The following PRKG1 variants were observed in gnomAD, a reference collection of about 807,000 sequenced individuals.
PRKG1 encodes cGMP-dependent protein kinase 1.
PRKG1 carries 35 observed loss-of-function variants against 88.1 expected under a neutral mutation model. That is an observed-to-expected ratio of 0.40 (90% CI 0.30 to 0.53). The LOEUF is 0.53. Among genes scored for constraint, PRKG1 ranks in the 20% least tolerant of loss-of-function variants. PRKG1 has a pLI of 0.59. For synonymous variants in PRKG1, 303 were observed against 292.5 expected (o/e 1.04, Z -0.37); for missense variants, 540 against 839.8 (o/e 0.64, Z 4.41).
intron 5 of PRKG1, among the ~76,000 whole-genome samples, chr10:52,039,101 C>A (rs1296067063): frequency 6.6e-6 from 1 of 152,132 alleles, no homozygotes; most frequent in Non-Finnish European, 1.5e-5. Context: ...ATCCGAGTCA[C>A]GGCACCAAAT....
At chr10:51,224,070 A>G (rs559978236) in intron 2 of PRKG1, among the ~76,000 whole-genome samples, 37 of 152,316 alleles carry the variant, frequency 2.4e-4, no homozygotes, top group African/African-American at 8.9e-4. Flanking sequence ...GGAACCATGG[A>G]GTGGGAAAAT....
chr10:51,189,323 CAT>C (rs1214337215), intron 2 of PRKG1, among the ~76,000 whole-genome samples: 1 of 151,854 alleles, frequency 6.6e-6, no homozygotes, highest in African/African-American at 2.4e-5. Context: ...CAAACAGAAA[CAT>C]ATGTTCTTAT....
chr10:52,277,255 T>TCTGA (rs750434551), intron 12 of PRKG1, among the ~76,000 whole-genome samples: 74 of 152,190 alleles, frequency 4.9e-4, no homozygotes, highest in Admixed American at 7.9e-4. Flanking sequence ...GAACAGAGAT[T>TCTGA]AGCAAAGGAT....
chr10:51,630,816 G>C (rs538991054), intron 3 of PRKG1, among the ~76,000 whole-genome samples: 17 of 152,302 alleles, frequency 1.1e-4, no homozygotes, highest in African/African-American at 4.1e-4. Flanking sequence ...GCAGCAGGCA[G>C]GATCATCTGT....
rs1554835896 is a variant in PRKG1 at position 51,727,281 on chromosome 10, A to AT, written c.593-77304_593-77303insT. 5.5e-3 allele frequency among the ~76,000 whole-genome samples: 815 copies of AT among 147,536 alleles called. 8 individuals carry two copies. Among genetic ancestry groups the AT allele is most frequent in the African/African-American group, 0.019 (767 of 39,606 alleles). On this transcript the variant is annotated intron_variant, in intron 3 of 17. Transcript: ENST00000373980. Reference sequence around the variant, plus strand: ...CACAGTAAGACCCCATTGCAAAAAAAAAAAATATATATATATATATTTTTT... The same window carrying AT: ...CACAGTAAGACCCCATTGCAAAAAAATAAAAATATATATATATATATTTTTT...
At chr10:51,765,212 G>GA (rs1446161080) in intron 3 of PRKG1, among the ~76,000 whole-genome samples, 1 of 152,060 alleles carries the variant, frequency 6.6e-6, no homozygotes, top group East Asian at 1.9e-4. Flanking sequence ...ATCACTGAGG[G>GA]AAAAAAGAAT....
chr10:51,863,405 A>G (rs1016990037), intron 4 of PRKG1, among the ~76,000 whole-genome samples: 4 of 152,180 alleles, frequency 2.6e-5, no homozygotes, highest in Non-Finnish European at 5.9e-5. Flanking sequence ...CTGCCTGACT[A>G]TGCTTAAAAT....
chr10:52,045,818 G>A (rs1198444374), intron 5 of PRKG1, among the ~76,000 whole-genome samples: 3 of 151,596 alleles, frequency 2.0e-5, no homozygotes, highest in African/African-American at 7.2e-5. Context: ...CTTCATTGAT[G>A]TTTAGAGCTC....
At chr10:52,181,419 CTT>C (rs761799361) in intron 9 of PRKG1, among the ~76,000 whole-genome samples, 4,419 of 55,162 alleles carry the variant, frequency 0.08, 239 homozygotes, top group African/African-American at 0.23. Flanking sequence ...CACAGCTCTT[CTT>C]TTTTTTTTTT....
At position 51,798,762 on chromosome 10, in the gene PRKG1, G is replaced by GT. The variant is rs1302436197; in HGVS notation, c.593-5823_593-5822insT. 3.9e-5 allele frequency among the ~76,000 whole-genome samples: 6 copies of GT among 152,170 alleles called. No individual in the cohort carries two copies. The South Asian group carries it at 1.2e-3, about 32-fold the overall frequency. On this transcript the variant is annotated intron_variant, in intron 3 of 17. Transcript: ENST00000373980. ...TATTTATAATGTAGAAAGTAAAAGA[G>GT]AATTACAAGCTAATTTTGCTCATTG... is the stretch of plus-strand genomic sequence containing the variant.
At position 51,138,670 on chromosome 10, in the gene PRKG1, G is replaced by GT. The variant is rs1402122952; in HGVS notation, c.312-14490dup. Among the ~76,000 whole-genome samples, 156 of 66,958 alleles carry GT rather than the reference G, an allele frequency of 2.3e-3. 2 individuals are homozygous for GT. Among genetic ancestry groups the GT allele is most frequent in the African/African-American group, 6.5e-3 (143 of 21,974 alleles). The allele number at this position is 66,958 out of a possible 152,430, so 43.9% of individuals were successfully genotyped here. ...GGAATCCAGTCTTTTTGGACATTGA[G>GT]TTTTGTTTTTTTTTTTTTTTTTTTT... On this transcript the variant is annotated intron_variant, in intron 1 of 17. Coordinates refer to ENST00000373980, the MANE Select transcript of PRKG1 (RefSeq NM_006258.4).
chr10:51,203,211 C>G (rs1837959019), intron 2 of PRKG1, among the ~76,000 whole-genome samples: 2 of 152,020 alleles, frequency 1.3e-5, no homozygotes, highest in Admixed American at 1.3e-4. Context: ...ATTAAACATT[C>G]TGTTATAAAA....
intron 5 of PRKG1, among the ~76,000 whole-genome samples, chr10:51,981,548 T>C (rs951602545): frequency 2.6e-5 from 4 of 152,106 alleles, no homozygotes; most frequent in African/African-American, 9.7e-5. Context: ...ATCACGCCAC[T>C]GTGCTTCAGC....
intron 2 of PRKG1, among the ~76,000 whole-genome samples, chr10:51,234,415 C>A (rs1387627545): frequency 6.6e-6 from 1 of 152,186 alleles, no homozygotes; most frequent in Non-Finnish European, 1.5e-5. Flanking sequence ...ACAAAGATAT[C>A]TACCTCCCTA....
intron 2 of PRKG1, among the ~76,000 whole-genome samples, chr10:51,354,450 G>C (rs966185750): frequency 2.0e-5 from 3 of 151,738 alleles, no homozygotes; most frequent in Non-Finnish European, 2.9e-5. Context: ...CTATGTACCC[G>C]GAAAAATTAT....
chr10:52,180,902 G>A (rs1839007247), intron 9 of PRKG1, among the ~76,000 whole-genome samples: 1 of 152,206 alleles, frequency 6.6e-6, no homozygotes, highest in Non-Finnish European at 1.5e-5. Flanking sequence ...CCATGGGGCT[G>A]TTTCTTAGTC....
chr10:51,534,659 T>A (rs1419578107), intron 3 of PRKG1, among the ~76,000 whole-genome samples: 2 of 97,882 alleles, frequency 2.0e-5, no homozygotes, highest in African/African-American at 7.1e-5. Context: ...AGAGCGAGAC[T>A]CTGTCTCAAA....
chr10:52,278,773 C>T (rs182501305), intron 12 of PRKG1, among the ~76,000 whole-genome samples: 319 of 151,872 alleles, frequency 2.1e-3, no homozygotes, highest in Non-Finnish European at 2.7e-3. Context: ...CATGGTGGTG[C>T]GTGCCTGTAG....
At chr10:51,221,699 T>C (rs1267518342) in intron 2 of PRKG1, among the ~76,000 whole-genome samples, 1 of 151,760 alleles carries the variant, frequency 6.6e-6, no homozygotes, top group Non-Finnish European at 1.5e-5. Context: ...CTCATCTTTC[T>C]AAAGAGGAAA....
Sources: gnomAD v4.1 joint callset for allele counts (sites outside exome capture counted in the v4.1 genomes callset) on GRCh38, gnomAD v4.1.1 for gene constraint, MANE v1.5 for transcripts, NCBI Gene and HGNC (gene_info 2026-07-23, HGNC 2026-07-21) for gene names.